Variants in RCBTB1 observed in about 807,000 individuals in gnomAD.
The protein encoded by RCBTB1 is RCC1 and BTB domain containing protein 1.
In RCBTB1, 46 loss-of-function variants were observed where a neutral mutation model predicts 62.4. That is an observed-to-expected ratio of 0.74 (90% CI 0.58 to 0.94). The LOEUF (loss-of-function observed/expected upper bound fraction) is 0.94, where lower values mean the gene tolerates loss of function less well. RCBTB1 is among the 40% of genes least tolerant of loss of function. RCBTB1 has a pLI of 0.00. For missense variants in RCBTB1, 565 were observed against 654.9 expected (o/e 0.86, Z 1.50); for synonymous variants, 222 against 245.8 (o/e 0.90, Z 0.91).
At chr13:49,556,319 T>C (rs575303721) in intron 5 of RCBTB1, among the ~76,000 whole-genome samples, 2 of 151,574 alleles carry the variant, frequency 1.3e-5, no homozygotes, top group African/African-American at 4.8e-5. Context: ...ACCTCCCAAG[T>C]AGCTGGGACG....
chr13:49,565,161 C>T (rs1255711515), intron 4 of RCBTB1, among the ~76,000 whole-genome samples: 5 of 152,172 alleles, frequency 3.3e-5, no homozygotes, highest in East Asian at 1.9e-4. Flanking sequence ...ATTGCAGGGG[C>T]GCGCCGCCAC....
rs117872701 is a variant in RCBTB1, at chr13:49,566,460, G to A, written c.277+158C>T. Among the ~76,000 whole-genome samples, 316 of 152,254 alleles carry A rather than the reference G, an allele frequency of 2.1e-3. 11 individuals carry two copies. The East Asian group carries it at 0.051, about 24-fold the overall frequency. ...CCTATAGCTTTTCCAGAGTTAGCCC[G>A]AAGTGTTTAACTTTCACCTGCTTTA... On this transcript the variant is annotated intron_variant, in intron 4 of 12. Transcript: ENST00000378302.
At position 49,541,025 on chromosome 13, in the gene RCBTB1, A is replaced by C. The variant is rs1281577348; in HGVS notation, c.1325-19T>G. ...AGAAGACCTAAAAGTAAAATATGTG[A>C]AAGGTTTAATCAAATGTATAATAAT... On this transcript the variant is annotated intron_variant, in intron 11 of 12. Transcript: ENST00000378302. 1.1e-5 allele frequency: 17 copies of C among 1,605,186 alleles called. No homozygotes were observed. The highest frequency in any genetic ancestry group is 1.4e-5 in the Non-Finnish European group (16 of 1,177,488).
chr13:49,578,557 G>C (rs1790605577), intron 2 of RCBTB1, among the ~76,000 whole-genome samples: 2 of 152,206 alleles, frequency 1.3e-5, no homozygotes, highest in Admixed American at 6.5e-5. Context: ...TGGAAAACTA[G>C]AATGCAAATA....
At chr13:49,578,283 G>A (rs192670568) in intron 2 of RCBTB1, among the ~76,000 whole-genome samples, 34 of 152,264 alleles carry the variant, frequency 2.2e-4, no homozygotes, top group East Asian at 7.7e-4. Context: ...AGTTGTTAAC[G>A]TTTATTGCTT....
At chr13:49,542,225 AAAAGT>A (rs1462577823) in intron 10 of RCBTB1, among the ~76,000 whole-genome samples, 3 of 152,090 alleles carry the variant, frequency 2.0e-5, no homozygotes, top group Non-Finnish European at 4.4e-5. Context: ...AAAAAAAAAA[AAAAGT>A]AAGTATATTA....
intron 2 of RCBTB1, among the ~76,000 whole-genome samples, chr13:49,575,473 C>T (rs1963714569): frequency 6.7e-6 from 1 of 150,108 alleles, no homozygotes; most frequent in Non-Finnish European, 1.5e-5. Flanking sequence ...CATCACAGCA[C>T]TATTCACAAT....
At chr13:49,572,246 G>C (rs1379408608) in intron 2 of RCBTB1, among the ~76,000 whole-genome samples, 4 of 151,752 alleles carry the variant, frequency 2.6e-5, no homozygotes, top group Non-Finnish European at 5.9e-5. Flanking sequence ...AGGATCGTTT[G>C]AACCTGGGAG....
In RCBTB1 at chr13:49,547,023, G is replaced by A. The variant is rs1175490044; in HGVS notation, c.1046-2160C>T. The A allele has an allele frequency of 4.2e-6, 5 of 1,200,666 alleles. No homozygotes were observed. In the East Asian group the frequency reaches 2.9e-4, roughly 69 times the overall value. The allele number at this position is 1,200,666 out of a possible 1,614,324, so 74.4% of individuals were successfully genotyped here. On this transcript the variant is annotated intron_variant, in intron 9 of 12. Coordinates refer to ENST00000378302, the MANE Select transcript of RCBTB1 (RefSeq NM_018191.4). ...GCCATTTTAAGATATAAGAACTGGG[G>A]GAAGCCTTTTATAACAAGTCCAGGT...
chr13:49,568,353 G>C (rs916675255), intron 2 of RCBTB1, among the ~76,000 whole-genome samples: 1 of 152,178 alleles, frequency 6.6e-6, no homozygotes. Flanking sequence ...ATTGTTGCCT[G>C]CACATTATTG....
intron 3 of RCBTB1, among the ~76,000 whole-genome samples, 164 bp from the exon 4 acceptor site, chr13:49,566,932 G>A (rs540856420): frequency 7.0e-4 from 107 of 152,218 alleles, no homozygotes; most frequent in Non-Finnish European, 1.2e-3. Flanking sequence ...CATTGCTTAC[G>A]TTTCAGAATG....
intron 2 of RCBTB1, among the ~76,000 whole-genome samples, chr13:49,572,982 A>G (rs894917381): frequency 5.9e-5 from 9 of 152,174 alleles, no homozygotes; most frequent in African/African-American, 1.7e-4. Context: ...TACCTTGGTA[A>G]GTACCCTGAG....
Position 49,551,345 on chromosome 13 carries a change from T to C in RCBTB1, c.835A>G (p.Ile279Val), listed in dbSNP as rs750208458. The C allele has an allele frequency of 1.2e-6, 2 of 1,614,192 alleles. No homozygotes were observed. Among genetic ancestry groups the C allele is most frequent in the East Asian group, 4.5e-5 (2 of 44,882 alleles). ...NKNNLLSPAH[I>V]MVEKERVVEI... Reference sequence around the variant, plus strand: ...AGTTACCTTTCTTTCTCCACCATGATGTGTGCTGGGCTTAGCAGGTTATTT... The same window carrying C: ...AGTTACCTTTCTTTCTCCACCATGACGTGTGCTGGGCTTAGCAGGTTATTT... Residue 279 changes from isoleucine (I) to valine (V), a missense_variant, in exon 8 of 13, where the codon ATC becomes GTC. By Grantham distance (29) the Ile-to-Val change is conservative (BLOSUM62 3). Transcript: ENST00000378302.
intron 7 of RCBTB1, 58 bp downstream of exon 7, chr13:49,552,120 C>G (rs545360085): frequency 1.0e-4 from 116 of 1,119,612 alleles, no homozygotes; most frequent in Non-Finnish European, 1.9e-5. Flanking sequence ...AATATTTCTC[C>G]AAGTTAGAGC....
chr13:49,572,038 C>G (rs1402140185), intron 2 of RCBTB1, among the ~76,000 whole-genome samples: 1 of 152,098 alleles, frequency 6.6e-6, no homozygotes, highest in East Asian at 1.9e-4. Context: ...CTCAAAAATA[C>G]AGGATCTGCC....
chr13:49,577,919 T>C (rs1211548593), intron 2 of RCBTB1, among the ~76,000 whole-genome samples: 2 of 152,240 alleles, frequency 1.3e-5, no homozygotes, highest in African/African-American at 4.8e-5. Flanking sequence ...AAATTCCTAA[T>C]AGAGGTTTCT....
intron 12 of RCBTB1, among the ~76,000 whole-genome samples, chr13:49,538,997 A>G (rs9591271): frequency 0.18 from 27,809 of 151,164 alleles, 2,890 homozygotes; most frequent in African/African-American, 0.28. Context: ...AGCCTCCCGA[A>G]TAGCTGGGAT....
chr13:49,574,792 G>A (rs1229201198), intron 2 of RCBTB1, among the ~76,000 whole-genome samples: 1 of 151,888 alleles, frequency 6.6e-6, no homozygotes, highest in East Asian at 1.9e-4. Context: ...GTATACCAAC[G>A]GTCAAAGCAG....
chr13:49,568,330 G>A (rs1963164429), intron 2 of RCBTB1, among the ~76,000 whole-genome samples: 2 of 152,156 alleles, frequency 1.3e-5, no homozygotes, highest in South Asian at 4.1e-4. Context: ...TCTTTTGCTA[G>A]AACAATAGTG....
Sources: allele counts gnomAD v4.1 joint callset (sites outside exome capture counted in the v4.1 genomes callset), GRCh38; gene constraint gnomAD v4.1.1; transcripts MANE v1.5; gene names NCBI Gene and HGNC (gene_info 2026-07-23, HGNC 2026-07-21).